Variants in MAPK10 observed in about 807,000 individuals in gnomAD.
MAPK10 encodes the protein JNK3 alpha protein kinase.
MAPK10 carries 25 observed loss-of-function variants against 59.3 expected under a neutral mutation model. That is an observed-to-expected ratio of 0.42 (90% CI 0.31 to 0.59). The LOEUF (loss-of-function observed/expected upper bound fraction) is 0.59. Among genes scored for constraint, MAPK10 ranks in the 20% least tolerant of loss-of-function variants. MAPK10 has a pLI of 0.15. For missense variants in MAPK10, 351 were observed against 568.9 expected, an observed-to-expected ratio of 0.62 and a Z score of 3.90; for synonymous variants, 190 against 200.5, an observed-to-expected ratio of 0.95 and a Z score of 0.44.
rs190062547 is a variant in MAPK10 at position 86,122,376 on chromosome 4, C to T, written c.237-15024G>A. The stretch of plus-strand genomic sequence containing the variant: ...GTATCCCCAAAAACTGTTGCCATGA[C>T]ATTTGCTTTTGACCAGTTCACTTTT... On this transcript the variant is annotated intron_variant, in intron 4 of 13. Coordinates refer to ENST00000641462, the MANE Select transcript of MAPK10 (RefSeq NM_138982.4). Among the ~76,000 whole-genome samples the T allele has an allele frequency of 4.0e-3, 611 of 152,272 alleles. 4 individuals are homozygous for T. The highest frequency in any genetic ancestry group is 8.1e-3 in the Admixed American group (124 of 15,276).
chr4:86,343,526 G>A (rs1726299780), intron 2 of MAPK10, among the ~76,000 whole-genome samples: 1 of 152,116 alleles, frequency 6.6e-6, no homozygotes, highest in African/African-American at 2.4e-5. Context: ...CATGCTAGAT[G>A]CATAAAAGAG....
chr4:86,113,954 C>G (rs2057927020), intron 4 of MAPK10, among the ~76,000 whole-genome samples: 1 of 152,190 alleles, frequency 6.6e-6, no homozygotes, highest in South Asian at 2.1e-4. Context: ...TGTCTTATTT[C>G]AGCAAGATAG....
chr4:86,087,348 T>C (rs2052106382), intron 9 of MAPK10, among the ~76,000 whole-genome samples: 1 of 152,290 alleles, frequency 6.6e-6, no homozygotes, highest in Non-Finnish European at 1.5e-5. Flanking sequence ...CATCAAATTA[T>C]CTAAAATCAG....
chr4:86,481,618 T>C (rs1211403525), intron 1 of MAPK10, among the ~76,000 whole-genome samples: 1 of 152,156 alleles, frequency 6.6e-6, no homozygotes, highest in Non-Finnish European at 1.5e-5. Context: ...TCCAGAAATG[T>C]TTCCCCAGTA....
At chr4:86,144,097 T>G (rs2064269443) in intron 4 of MAPK10, among the ~76,000 whole-genome samples, 1 of 152,028 alleles carries the variant, frequency 6.6e-6, no homozygotes, top group South Asian at 2.1e-4. Context: ...TTGGGGGGTG[T>G]GTTTAAGGGG....
At chr4:86,497,101 A>G (rs1754924606) in intron 1 of MAPK10, among the ~76,000 whole-genome samples, 1 of 152,026 alleles carries the variant, frequency 6.6e-6, no homozygotes, top group Admixed American at 6.6e-5. Context: ...AGAAACCAAC[A>G]CTCCAAACAA....
intron 1 of MAPK10, among the ~76,000 whole-genome samples, chr4:86,496,327 A>AT (rs1491280328): frequency 6.6e-6 from 1 of 152,184 alleles, no homozygotes; most frequent in African/African-American, 2.4e-5. Context: ...AAACCCAAAC[A>AT]TAAAAAATTG....
chr4:86,385,334 T>C (rs1417088799), intron 1 of MAPK10, among the ~76,000 whole-genome samples: 2 of 152,194 alleles, frequency 1.3e-5, no homozygotes, highest in African/African-American at 4.8e-5. Flanking sequence ...ATTGTTAATT[T>C]ACCATTTAAA....
At chr4:86,506,613 A>G (rs894699242) in intron 1 of MAPK10, among the ~76,000 whole-genome samples, 1 of 152,146 alleles carries the variant, frequency 6.6e-6, no homozygotes, top group Non-Finnish European at 1.5e-5. Context: ...GGCCACAGGA[A>G]TCACTGATAG....
chr4:86,567,538 A>G (rs1437756417), intron 1 of MAPK10, among the ~76,000 whole-genome samples: 3 of 152,192 alleles, frequency 2.0e-5, no homozygotes, highest in African/African-American at 7.2e-5. Flanking sequence ...TTAAAGGAAA[A>G]GTAGTGCATA....
intron 9 of MAPK10, chr4:86,090,209 G>C (rs555118023): frequency 6.6e-6 from 1 of 151,706 alleles, no homozygotes; most frequent in African/African-American, 2.4e-5. Context: ...GCATTCTTGT[G>C]GGGGGAAAAA....
intron 2 of MAPK10, among the ~76,000 whole-genome samples, chr4:86,275,613 T>C (rs2094552900): frequency 6.6e-6 from 1 of 152,066 alleles, no homozygotes; most frequent in Non-Finnish European, 1.5e-5. Flanking sequence ...GCAAACATAA[T>C]TGTGGTTTTT....
At chr4:86,444,637 AC>A in intron 1 of MAPK10, among the ~76,000 whole-genome samples, 1 of 152,224 alleles carries the variant, frequency 6.6e-6, no homozygotes, top group Middle Eastern at 3.4e-3. Flanking sequence ...CAGGCAACCT[AC>A]AGAGTGGGAT....
chr4:86,127,316 T>C (rs922214896), intron 4 of MAPK10, among the ~76,000 whole-genome samples: 1 of 151,974 alleles, frequency 6.6e-6, no homozygotes, highest in Non-Finnish European at 1.5e-5. Flanking sequence ...GTCTGGCATA[T>C]AGTTAGCCTT....
chr4:86,465,233 C>T (rs980716153), intron 1 of MAPK10, among the ~76,000 whole-genome samples: 1 of 152,166 alleles, frequency 6.6e-6, no homozygotes, highest in African/African-American at 2.4e-5. Flanking sequence ...AGTCTTCTGC[C>T]TGTGTTAAAT....
chr4:86,486,246 C>T (rs1019341939), intron 1 of MAPK10, among the ~76,000 whole-genome samples: 2 of 152,216 alleles, frequency 1.3e-5, no homozygotes, highest in African/African-American at 2.4e-5. Flanking sequence ...CATTATCACA[C>T]TTGTGAATAG....
At chr4:86,107,707 T>C in intron 4 of MAPK10, 1 of 984,180 alleles carries the variant, frequency 1.0e-6, no homozygotes, top group Non-Finnish European at 1.2e-6. Flanking sequence ...AATTTCCCAC[T>C]AGCCATGTGA....
At position 86,445,120 on chromosome 4, in the gene MAPK10, A is replaced by G. The variant is rs181091188; in HGVS notation, c.-122+7910T>C. Among the ~76,000 whole-genome samples, 921 of 152,336 alleles carry G rather than the reference A, an allele frequency of 6.0e-3. 7 individuals carry two copies. The highest frequency in any genetic ancestry group is 0.02 in the African/African-American group (823 of 41,568). On this transcript the variant is annotated intron_variant, in intron 1 of 13. Transcript: ENST00000361569. The stretch of plus-strand genomic sequence containing the variant: ...TTCAGTTACAAAGATACATGCACAC[A>G]TATGTTCATTGCAGCATTATTCACA...
At chr4:86,266,789 T>C (rs934333364) in intron 2 of MAPK10, among the ~76,000 whole-genome samples, 2 of 152,116 alleles carry the variant, frequency 1.3e-5, no homozygotes, top group African/African-American at 2.4e-5. Flanking sequence ...TCTACATCTA[T>C]ATAACCATCT....
Sources: gnomAD v4.1 joint callset for allele counts (sites outside exome capture counted in the v4.1 genomes callset) on GRCh38, gnomAD v4.1.1 for gene constraint, MANE v1.5 for transcripts, NCBI Gene and HGNC (gene_info 2026-07-23, HGNC 2026-07-21) for gene names.